The following NDUFA13 variants were observed in gnomAD, a reference collection of about 807,000 sequenced individuals.
The protein encoded by NDUFA13 is NADH:ubiquinone oxidoreductase subunit A13.
Under a neutral mutation model 17.0 loss-of-function variants are expected in NDUFA13, and 16 were observed. The observed-to-expected ratio is 0.94, with a 90% CI of 0.64 to 1.43. The LOEUF (loss-of-function observed/expected upper bound fraction) is 1.43, where lower values mean the gene tolerates loss of function less well. Ranked by LOEUF, NDUFA13 falls within the 40% of genes most tolerant of loss-of-function variation. NDUFA13 has a pLI of 0.00. For synonymous variants in NDUFA13, 87 were observed against 78.4 expected (o/e 1.11, Z -0.58); for missense variants, 228 against 206.7 (o/e 1.10, Z -0.63).
At chr19:19,526,032 C>T (rs977420817) in intron 1 of NDUFA13, 150 bp from the exon 2 acceptor site, 9 of 1,514,300 alleles carry the variant, frequency 5.9e-6, no homozygotes, top group Non-Finnish European at 7.9e-6. Flanking sequence ...CAGAAAACCC[C>T]TGGCATGGGG....
At chr19:19,525,403 G>C (rs1478265801) in intron 1 of NDUFA13, among the ~76,000 whole-genome samples, 1 of 152,238 alleles carries the variant, frequency 6.6e-6, no homozygotes, top group Non-Finnish European at 1.5e-5. Context: ...CATAGAGCAG[G>C]GCCAGTGCCC....
chr19:19,527,935 T>TC, intron 4 of NDUFA13, 72 bp from the exon 5 acceptor site: 1 of 1,577,724 alleles, frequency 6.3e-7, no homozygotes, highest in Non-Finnish European at 8.7e-7. Flanking sequence ...GGGCCACTGA[T>TC]CCTGGGGGAT....
chr19:19,527,175 C>A (rs542206264), intron 2 of NDUFA13, 106 bp from the exon 3 acceptor site: 3 of 1,189,550 alleles, frequency 2.5e-6, no homozygotes, highest in East Asian at 2.5e-5. Context: ...TCCCCGCCCC[C>A]CTCCGCCTCT....
chr19:19,524,548 G>C (rs543409767), intron 1 of NDUFA13, among the ~76,000 whole-genome samples: 1 of 152,152 alleles, frequency 6.6e-6, no homozygotes, highest in Non-Finnish European at 1.5e-5. Flanking sequence ...GGCCGGGCAC[G>C]GTGGCTCACG....
At chr19:19,524,871 C>CATCTGTA (rs1568359503) in intron 1 of NDUFA13, among the ~76,000 whole-genome samples, 19 of 151,936 alleles carry the variant, frequency 1.3e-4, no homozygotes, top group African/African-American at 4.3e-4. Flanking sequence ...ATAGCAAGAC[C>CATCTGTA]CCATCTGTAC....
At chr19:19,522,326 A>AT (rs1251941342) in intron 1 of NDUFA13, among the ~76,000 whole-genome samples, 2 of 151,868 alleles carry the variant, frequency 1.3e-5, no homozygotes, top group African/African-American at 2.4e-5. Context: ...TATAATAATA[A>AT]TTTCAATGAA....
chr19:19,525,057 GA>G (rs200748248), intron 1 of NDUFA13, among the ~76,000 whole-genome samples: 3 of 150,190 alleles, frequency 2.0e-5, no homozygotes, highest in Non-Finnish European at 4.4e-5. Flanking sequence ...ACCAAAAAAG[GA>G]AAAAAAAATG....
chr19:19,526,970 C>T (rs1325346836), intron 2 of NDUFA13, among the ~76,000 whole-genome samples: 1 of 152,186 alleles, frequency 6.6e-6, no homozygotes, highest in Non-Finnish European at 1.5e-5. Flanking sequence ...AAGTCACCCC[C>T]TCTTCGTCGC....
At chr19:19,519,183 G>A (rs559651178) in intron 1 of NDUFA13, among the ~76,000 whole-genome samples, 1 of 151,848 alleles carries the variant, frequency 6.6e-6, no homozygotes, top group African/African-American at 2.4e-5. Context: ...GAGCCACCAC[G>A]CCTGGCCGAG....
At chr19:19,527,162 GCCTC>G in intron 2 of NDUFA13, 115 bp from the exon 3 acceptor site, 1 of 837,464 alleles carries the variant, frequency 1.2e-6, no homozygotes. Context: ...CCCCCTGCCT[GCCTC>G]CCCGCCCCCC....
chr19:19,526,498 G>A, intron 2 of NDUFA13: 1 of 572,750 alleles, frequency 1.7e-6, no homozygotes, highest in Non-Finnish European at 3.2e-6. Context: ...TGGGAGCATT[G>A]CTTGAGCCCA....
Position 19,527,779 on chromosome 19 carries a change from C to T in NDUFA13, c.315+9C>T, listed in dbSNP as rs542216474. 5.5e-5 allele frequency: 86 copies of T among 1,552,072 alleles called. No individual in the cohort carries two copies. The highest frequency in any genetic ancestry group is 1.7e-4 in the Middle Eastern group (1 of 5,982). On this transcript the variant is annotated intron_variant, in intron 4 of 4. Transcript: ENST00000507754. ...ACGTGCCCGACTGGAAGGTGGGTCC[C>T]GGCTGGGAGGGCAGAGGTGCCAGCC...
At chr19:19,518,144 C>T (rs1311739569) in intron 1 of NDUFA13, among the ~76,000 whole-genome samples, 2 of 151,526 alleles carry the variant, frequency 1.3e-5, no homozygotes, top group Non-Finnish European at 2.9e-5. Flanking sequence ...AAAGAGGCTT[C>T]AGGCTAGATC....
chr19:19,524,613 C>T (rs1361884943), intron 1 of NDUFA13, among the ~76,000 whole-genome samples: 2 of 152,164 alleles, frequency 1.3e-5, no homozygotes, highest in East Asian at 3.8e-4. Context: ...CGTAACCAGC[C>T]TGGCCAATAT....
chr19:19,524,506 G>A (rs1398817627), intron 1 of NDUFA13, among the ~76,000 whole-genome samples: 5 of 152,166 alleles, frequency 3.3e-5, no homozygotes, highest in Admixed American at 1.3e-4. Flanking sequence ...TGTCCCCTGG[G>A]TTCTCTGTAG....
chr19:19,524,678 C>T lies in NDUFA13; in HGVS notation c.95-1504C>T, dbSNP rs150032388. 9.9e-5 allele frequency among the ~76,000 whole-genome samples: 15 copies of T among 152,136 alleles called. No individual in the cohort carries two copies. The East Asian group carries it at 2.7e-3, about 27-fold the overall frequency. On this transcript the variant is annotated intron_variant, in intron 1 of 4. Transcript: ENST00000507754. ...AAAATTAGCCTGGCGTGGTGGTGGG[C>T]GCCTGTAGTCCCAACTACTCCGGAG...
intron 1 of NDUFA13, among the ~76,000 whole-genome samples, chr19:19,523,721 A>C (rs1415102408): frequency 6.6e-6 from 1 of 152,126 alleles, no homozygotes; most frequent in Non-Finnish European, 1.5e-5. Context: ...TGAGGTTGGG[A>C]GTTCCAGACC....
intron 1 of NDUFA13, among the ~76,000 whole-genome samples, chr19:19,524,960 C>G (rs1336214117): frequency 5.3e-5 from 8 of 152,132 alleles, no homozygotes; most frequent in Non-Finnish European, 1.2e-4. Flanking sequence ...TCACTTGAAC[C>G]CAGGAGTTGG....
At chr19:19,523,303 G>A (rs907128401) in intron 1 of NDUFA13, among the ~76,000 whole-genome samples, 2 of 152,336 alleles carry the variant, frequency 1.3e-5, no homozygotes, top group East Asian at 3.9e-4. Context: ...CTTAAGAATG[G>A]CCAAGGCCGG....
Sources: allele counts gnomAD v4.1 joint callset (sites outside exome capture counted in the v4.1 genomes callset), GRCh38; gene constraint gnomAD v4.1.1; transcripts MANE v1.5; gene names NCBI Gene and HGNC (gene_info 2026-07-23, HGNC 2026-07-21).